The following ATXN7 variants were observed in gnomAD, a reference collection of about 807,000 sequenced individuals.
ATXN7 encodes ataxin 7, also known as ataxin-7.
A neutral mutation model predicts 70.5 loss-of-function variants in ATXN7; 12 were observed. That is an observed-to-expected ratio of 0.17 (90% confidence interval 0.11 to 0.28). The LOEUF is 0.28. Among genes scored for constraint, ATXN7 ranks in the 10% least tolerant of loss-of-function variants. The pLI, the probability that ATXN7 is intolerant of heterozygous loss-of-function variation, is 1.00. For synonymous variants in ATXN7, 498 were observed against 448.7 expected (o/e 1.11, Z -1.39); for missense variants, 1,256 against 1,131.7 (o/e 1.11, Z -1.58).
At chr3:63,873,879 T>G (rs1702668416) in intron 1 of ATXN7, 1 of 152,140 alleles carries the variant, frequency 6.6e-6, no homozygotes, top group African/African-American at 2.4e-5. Flanking sequence ...AATACATTTT[T>G]TTTTTCTTTT....
chr3:63,960,997 C>T (rs2075119440), intron 5 of ATXN7, among the ~76,000 whole-genome samples: 1 of 152,076 alleles, frequency 6.6e-6, no homozygotes, highest in East Asian at 1.9e-4. Context: ...ACAAAAACCA[C>T]TGCCTTTCAA....
At position 63,971,674 on chromosome 3, in the gene ATXN7, C is replaced by T. The variant is rs369574999; in HGVS notation, c.500-8241C>T. Among the ~76,000 whole-genome samples, 43 of 152,002 alleles carry T rather than the reference C, an allele frequency of 2.8e-4. No individual in the cohort carries two copies. The East Asian group carries it at 4.2e-3, about 15-fold the overall frequency. On this transcript the variant is annotated intron_variant, in intron 5 of 12. Coordinates refer to ENST00000674280, the MANE Select transcript of ATXN7 (RefSeq NM_001377405.1). ...TAATATTCGTGAGAAAAAATATATA[C>T]ATATATATATAAAAAACTCCTACAT...
At chr3:63,877,569 T>C (rs1379021962) in intron 1 of ATXN7, among the ~76,000 whole-genome samples, 1 of 152,250 alleles carries the variant, frequency 6.6e-6, no homozygotes, top group African/African-American at 2.4e-5. Context: ...CATCTTTTCT[T>C]AGACAACTGT....
rs1357948794 is a variant in ATXN7, at chr3:63,930,255, C to T, written c.394+17030C>T. Among the ~76,000 whole-genome samples the T allele has an allele frequency of 2.6e-5, 4 of 152,052 alleles. No homozygotes were observed. The South Asian group carries it at 6.2e-4, about 24-fold the overall frequency. On this transcript the variant is annotated intron_variant, in intron 4 of 12. Transcript: ENST00000674280. The stretch of plus-strand genomic sequence containing the variant: ...AAGTTTTTATTTTTATTCCCAAATC[C>T]CCAGGAAATTTTAAGTGCTGTCAGT...
chr3:63,881,162 G>A lies in ATXN7; in HGVS notation c.-111+17004G>A, dbSNP rs144162839. Among the ~76,000 whole-genome samples the A allele has an allele frequency of 6.8e-3, 1,033 of 152,236 alleles. 8 individuals carry two copies. The highest frequency in any genetic ancestry group is 0.011 in the Non-Finnish European group (715 of 68,028). On this transcript the variant is annotated intron_variant, in intron 1 of 12. Transcript: ENST00000674280. ...AGAGAAGTGAAAAGATTTGCTTGAG[G>A]TCACATAGTTTGAAAATAGAAAACA...
At chr3:63,922,252 G>A (rs577887875) in intron 4 of ATXN7, among the ~76,000 whole-genome samples, 1 of 152,164 alleles carries the variant, frequency 6.6e-6, no homozygotes, top group Admixed American at 6.5e-5. Context: ...ATGTTGCCCA[G>A]GCTGGTCTCA....
In ATXN7 at chr3:63,999,647, T is replaced by C. The variant is rs2075813739; in HGVS notation, c.*180T>C. The C allele has an allele frequency of 1.8e-6, 2 of 1,086,378 alleles. No individual in the cohort carries two copies. The highest frequency in any genetic ancestry group is 2.0e-5 in the Admixed American group (1 of 50,006). The allele number at this position is 1,086,378 out of a possible 1,614,324, so 67.3% of individuals were successfully genotyped here. On this transcript the variant is annotated 3_prime_UTR_variant, in exon 13 of 13. Transcript: ENST00000674280. ...GAGGATTTCCCTGAAGCTATGTCTC[T>C]AGCAGTGAGTACTCATAAAGGACAC... is the stretch of plus-strand genomic sequence containing the variant.
At chr3:63,873,616 A>G (rs1702659818) in intron 1 of ATXN7, 1 of 152,192 alleles carries the variant, frequency 6.6e-6, no homozygotes, top group South Asian at 2.1e-4. Context: ...CTATGAGTGG[A>G]CTTGGTTTAG....
At chr3:63,886,949 G>A (rs1291145516) in intron 1 of ATXN7, among the ~76,000 whole-genome samples, 1 of 152,162 alleles carries the variant, frequency 6.6e-6, no homozygotes. Context: ...CTTCTGCCCA[G>A]TAGCAGTCCC....
intron 5 of ATXN7, among the ~76,000 whole-genome samples, chr3:63,965,943 C>T (rs1461613649): frequency 6.6e-6 from 1 of 152,066 alleles, no homozygotes; most frequent in Non-Finnish European, 1.5e-5. Flanking sequence ...AGTTAAAATT[C>T]GTTTTTCTCT....
intron 8 of ATXN7, among the ~76,000 whole-genome samples, chr3:63,985,042 T>G (rs2106770129): frequency 6.6e-6 from 1 of 152,310 alleles, no homozygotes; most frequent in South Asian, 2.1e-4. Context: ...TTGACAGACA[T>G]TTATATTGTT....
intron 12 of ATXN7, chr3:63,998,969 A>G (rs1388244997): frequency 6.3e-6 from 1 of 157,936 alleles, no homozygotes; most frequent in African/African-American, 2.4e-5. Context: ...GGCCTGTGCC[A>G]CCAAAGATGT....
At chr3:63,887,455 T>C (rs2107237074) in intron 1 of ATXN7, among the ~76,000 whole-genome samples, 1 of 152,334 alleles carries the variant, frequency 6.6e-6, no homozygotes, top group Admixed American at 6.5e-5. Context: ...TCTAATAATA[T>C]ATTTTGGAAA....
In ATXN7 at chr3:63,912,608, C is replaced by T; in HGVS notation, c.10C>T (p.Arg4Trp). The T allele has an allele frequency of 1.8e-6, 2 of 1,092,246 alleles. No individual in the cohort carries two copies. The highest frequency in any genetic ancestry group is 1.1e-6 in the Non-Finnish European group (1 of 886,622). The allele number at this position is 1,092,246 out of a possible 1,614,324, so 67.7% of individuals were successfully genotyped here. The part of the protein sequence containing the change: MSE[R>W]AADDVRGEPR... ...TGTAGGAGCGGAAAGAATGTCGGAGCGGGCCGCGGATGACGTCAGGGGGGA... is the reference window on the plus strand; with the variant it reads ...TGTAGGAGCGGAAAGAATGTCGGAGTGGGCCGCGGATGACGTCAGGGGGGA... Residue 4 changes from arginine to tryptophan, a missense_variant, in exon 3 of 13, where the codon CGG (arginine) becomes TGG (tryptophan). Transcript: ENST00000674280.
intron 5 of ATXN7, among the ~76,000 whole-genome samples, chr3:63,960,793 G>A (rs1338200718): frequency 6.6e-6 from 1 of 151,512 alleles, no homozygotes; most frequent in Non-Finnish European, 1.5e-5. Context: ...TAAGTCTTTA[G>A]GCATTTTCTA....
chr3:63,905,754 A>G (rs1703817135), intron 2 of ATXN7: 1 of 152,216 alleles, frequency 6.6e-6, no homozygotes, highest in Non-Finnish European at 1.5e-5. Context: ...CACTTAGAAC[A>G]CCTTGATGTA....
chr3:63,864,683 G>GA (rs990638872), intron 1 of ATXN7: 1 of 152,238 alleles, frequency 6.6e-6, no homozygotes. Context: ...CGGTGATCGT[G>GA]ATGGGGTGCT....
Position 63,982,987 on chromosome 3 carries a change from C to T in ATXN7, c.1061C>T (p.Thr354Ile). 6.2e-7 allele frequency: 1 copy of T among 1,614,014 alleles called. No individual in the cohort carries two copies. The highest frequency in any genetic ancestry group is 8.5e-7 in the Non-Finnish European group (1 of 1,180,006). The change falls in exon 8 of 13, where the codon ACC (threonine) becomes ATC (isoleucine). Residue 354 changes from threonine (T) to isoleucine (I), a missense_variant. Physicochemically the swap from Thr to Ile is moderately conservative, Grantham distance 89 (BLOSUM62 -1). Coordinates refer to ENST00000674280, the MANE Select transcript of ATXN7 (RefSeq NM_001377405.1). ...CACTGTGGGGTTATTGATCTCGACA[C>T]CAAGAAGCCCTGCACCCGGTCTTTG... is the stretch of plus-strand genomic sequence containing the variant. ...DIHCGVIDLD[T>I]KKPCTRSLTC...
chr3:63,974,128 A>C (rs1437107638), intron 5 of ATXN7, among the ~76,000 whole-genome samples: 1 of 150,628 alleles, frequency 6.6e-6, no homozygotes, highest in Non-Finnish European at 1.5e-5. Context: ...GCCTCTATCA[A>C]AACCATCTTG....
Sources: gnomAD v4.1 joint callset for allele counts (sites outside exome capture counted in the v4.1 genomes callset) on GRCh38, gnomAD v4.1.1 for gene constraint, MANE v1.5 for transcripts, NCBI Gene and HGNC (gene_info 2026-07-23, HGNC 2026-07-21) for gene names.